Variants in TRPV1 observed in about 807,000 individuals in gnomAD.
TRPV1 encodes transient receptor potential cation channel subfamily V member 1.
In TRPV1, 82 loss-of-function variants were observed where a neutral mutation model predicts 82.3. That is an observed-to-expected ratio of 1.00 (90% CI 0.83 to 1.20). TRPV1 has a LOEUF of 1.20. Among genes scored for constraint, TRPV1 ranks in the 50% most tolerant of loss-of-function variants. TRPV1 has a pLI of 0.00. For synonymous variants in TRPV1, 515 were observed against 467.7 expected (o/e 1.10, Z -1.30); for missense variants, 1,067 against 1,096.8 (o/e 0.97, Z 0.38).
At position 3,573,918 on chromosome 17, in the gene TRPV1, GGA is replaced by G. The variant is rs781638669; in HGVS notation, c.1816_1817del (p.Ser606ProfsTer4). The G allele has an allele frequency of 2.5e-6, 4 of 1,607,046 alleles. No homozygotes were observed. Among genetic ancestry groups the G allele is most frequent in the Non-Finnish European group, 3.4e-6 (4 of 1,178,012 alleles). On this transcript the variant is annotated frameshift_variant, in exon 14 of 17. Coordinates refer to ENST00000572705, the MANE Select transcript of TRPV1 (RefSeq NM_080704.4). LOFTEE classifies it high-confidence loss of function. ...VTLIEDGKND[S>X]LPSESTSHRW... ...TGTGCGACGTGGACTCAGACGGCAG[GGA>G]GTCATTCTTCCCGTCTTCAATCAGC...
intron 2 of TRPV1, among the ~76,000 whole-genome samples, chr17:3,596,159 G>C (rs10491215): frequency 0.16 from 24,247 of 152,146 alleles, 6,280 homozygotes; most frequent in African/African-American, 0.55. Flanking sequence ...CCACAGAGAC[G>C]TGGTATGATC....
rs779870848 is a variant in TRPV1 at position 3,585,855 on chromosome 17, C to T, written c.1296G>A (p.Lys432=). 1 of 1,614,018 alleles carries T rather than the reference C, an allele frequency of 6.2e-7. No homozygotes were observed. ...CCAGGAAGTTGAAGTAGAAGATGCG[C>T]TTGACGAATCTGTCCCACTTGTCCT... ...LLQDKWDRFV[K]RIFYFNFLVY... is the part of the protein sequence containing the mutation. The change falls in exon 9 of 17, where the codon AAG becomes AAA. Residue 432 remains lysine, a synonymous_variant. Transcript: ENST00000572705.
chr17:3,572,640 A>T (rs1439821845), intron 14 of TRPV1, among the ~76,000 whole-genome samples: 1 of 150,834 alleles, frequency 6.6e-6, no homozygotes, highest in African/African-American at 2.5e-5. Flanking sequence ...TGTGGCCTTG[A>T]GCACAGATAC....
chr17:3,572,131 C>G lies in TRPV1; in HGVS notation c.2222G>C (p.Trp741Ser), dbSNP rs1422601405. Residue 741 changes from tryptophan (W) to serine (S), a missense_variant, in exon 15 of 17, where the codon TGG becomes TCG. Transcript: ENST00000572705. The part of the protein sequence containing the change: ...YTPDGKDDYR[W>S]CFRVDEVNWT... ...GGAGCCTGGGCATTACCTGAAGCAC[C>G]ACCGGTAGTCGTCCTTGCCATCAGG... 1.9e-6 allele frequency: 3 copies of G among 1,613,362 alleles called. No individual in the cohort carries two copies. Among genetic ancestry groups the G allele is most frequent in the Admixed American group, 3.3e-5 (2 of 59,990 alleles).
chr17:3,591,980 A>T (rs1337616492), intron 3 of TRPV1, 87 bp downstream of exon 3: 2 of 1,507,514 alleles, frequency 1.3e-6, no homozygotes, highest in Non-Finnish European at 1.8e-6. Flanking sequence ...GCTTTGTGAC[A>T]TTTAGCCCAG....
At position 3,592,097 on chromosome 17, in the gene TRPV1, T is replaced by C. The variant is rs55916885; in HGVS notation, c.254A>G (p.Gln85Arg). ...ACCGGTGGGGCCGTCTCCTGGCCTC[T>C]GGATGGTGATAACAGGGCTGACTGT... ...TITVSPVITI[Q>R]RPGDGPTGAR... The change falls in exon 3 of 17, where the codon CAG becomes CGG. Residue 85 changes from glutamine (Q) to arginine (R), a missense_variant. Physicochemically the swap from Gln to Arg is conservative, Grantham distance 43. Coordinates refer to ENST00000572705, the MANE Select transcript of TRPV1 (RefSeq NM_080704.4). 54,685 of 1,613,646 alleles carry C rather than the reference T, an allele frequency of 0.034. 1,089 individuals are homozygous for C. Among genetic ancestry groups the C allele is most frequent in the Middle Eastern group, 0.063 (379 of 6,042 alleles).
chr17:3,574,031 CTCAG>C (rs1478941871), intron 13 of TRPV1, 76 bp from the exon 14 acceptor site: 26 of 1,229,262 alleles, frequency 2.1e-5, no homozygotes, highest in Non-Finnish European at 2.8e-5. Context: ...CACCCTCCTG[CTCAG>C]TCAGTCTCAA....
At chr17:3,595,502 G>A (rs922658305) in intron 2 of TRPV1, among the ~76,000 whole-genome samples, 1 of 152,182 alleles carries the variant, frequency 6.6e-6, no homozygotes, top group African/African-American at 2.4e-5. Flanking sequence ...TGAACCTGAA[G>A]CACCTCTCGC....
chr17:3,576,647 G>A (rs1325362073), intron 13 of TRPV1, among the ~76,000 whole-genome samples: 1 of 35,894 alleles, frequency 2.8e-5, no homozygotes, highest in Non-Finnish European at 7.1e-5. Context: ...GCTAGACTCT[G>A]TATGAGAAAA....
At chr17:3,576,653 G>GAAAAAAAAAA (rs35781190) in intron 13 of TRPV1, among the ~76,000 whole-genome samples, 11 of 41,494 alleles carry the variant, frequency 2.7e-4, no homozygotes, top group Admixed American at 4.0e-4. Context: ...CTCTGTATGA[G>GAAAAAAAAAA]AAAAAAAAAA....
At chr17:3,568,739 T>A (rs552133591) in intron 16 of TRPV1, among the ~76,000 whole-genome samples, 1 of 152,118 alleles carries the variant, frequency 6.6e-6, no homozygotes, top group Admixed American at 6.5e-5. Flanking sequence ...AAAGATTTTT[T>A]AAAATTAAAC....
intron 7 of TRPV1, chr17:3,588,944 C>T (rs1180496698): frequency 4.6e-6 from 7 of 1,535,696 alleles, no homozygotes; most frequent in East Asian, 2.4e-5. Context: ...TGAAGGACAG[C>T]GGTGGTCCAT....
At chr17:3,579,278 G>A (rs933966129) in intron 11 of TRPV1, among the ~76,000 whole-genome samples, 1 of 152,120 alleles carries the variant, frequency 6.6e-6, no homozygotes, top group Non-Finnish European at 1.5e-5. Flanking sequence ...TAAAGGATGC[G>A]GTTTGTGAGT....
intron 11 of TRPV1, chr17:3,578,674 TA>T (rs2074966570): frequency 1.3e-5 from 2 of 152,082 alleles, no homozygotes; most frequent in African/African-American, 4.8e-5. Context: ...ATCTCAAGAT[TA>T]GGGGGAAAAC....
chr17:3,582,127 T>C (rs1195263899), intron 10 of TRPV1, among the ~76,000 whole-genome samples: 1 of 144,172 alleles, frequency 6.9e-6, no homozygotes, highest in Non-Finnish European at 1.5e-5. Flanking sequence ...GAGGCGGAGC[T>C]TGCAGTGAGT....
At chr17:3,605,921 C>T (rs2075293557) in intron 2 of TRPV1, among the ~76,000 whole-genome samples, 1 of 151,974 alleles carries the variant, frequency 6.6e-6, no homozygotes, top group Non-Finnish European at 1.5e-5. Context: ...ACCCCCAAAT[C>T]TCAGTGGCTT....
Position 3,608,481 on chromosome 17 carries a change from C to T in TRPV1, c.-88G>A, listed in dbSNP as rs1041997778. On this transcript the variant is annotated 5_prime_UTR_variant, in exon 2 of 17. Coordinates refer to ENST00000572705, the MANE Select transcript of TRPV1 (RefSeq NM_080704.4). ...GGCGATCTGACGACTAAGTGACTGA[C>T]CGGCGGGGAGCATCTACGGCCTGGA... is the stretch of plus-strand genomic sequence containing the variant. 2 of 152,112 alleles carry T rather than the reference C, an allele frequency of 1.3e-5. No individual in the cohort carries two copies. The highest frequency in any genetic ancestry group is 4.8e-5 in the African/African-American group (2 of 41,428). 9.4% of individuals were successfully genotyped at this position (152,112 alleles called of 1,614,324 possible). A position where few individuals can be genotyped will look rare whatever the true frequency, so the allele number is the denominator to read the frequency against.
intron 10 of TRPV1, among the ~76,000 whole-genome samples, chr17:3,582,544 G>C (rs1235223136): frequency 1.3e-5 from 2 of 151,504 alleles, no homozygotes; most frequent in East Asian, 1.9e-4. Flanking sequence ...TATGGTTTTT[G>C]CAAGAAAGGT....
chr17:3,567,873 C>A (rs1041457115), intron 16 of TRPV1, among the ~76,000 whole-genome samples: 1 of 152,172 alleles, frequency 6.6e-6, no homozygotes, highest in African/African-American at 2.4e-5. Context: ...TATACCCCTG[C>A]CACTGGGTCA....
Sources: gnomAD v4.1 joint callset for allele counts (sites outside exome capture counted in the v4.1 genomes callset) on GRCh38, gnomAD v4.1.1 for gene constraint, MANE v1.5 for transcripts, NCBI Gene and HGNC (gene_info 2026-07-23, HGNC 2026-07-21) for gene names.